TMEM123: variants seen among roughly 807,000 people sequenced by gnomAD.
The protein encoded by TMEM123 is transmembrane protein 123.
TMEM123 carries 16 observed loss-of-function variants against 19.7 expected under a neutral mutation model. The ratio of observed to expected loss-of-function variants is 0.81; its 90% confidence interval spans 0.55 to 1.23. The LOEUF (loss-of-function observed/expected upper bound fraction) is 1.23. Ranked by LOEUF, TMEM123 falls within the 50% of genes most tolerant of loss-of-function variation. The pLI, the probability that TMEM123 is intolerant of heterozygous loss-of-function variation, is 0.00. For missense variants in TMEM123, 313 were observed against 257.8 expected, an observed-to-expected ratio of 1.21 and a Z score of -1.47; for synonymous variants, 118 against 99.4, an observed-to-expected ratio of 1.19 and a Z score of -1.12.
chr11:102,439,089 G>A (rs1857796706), intron 2 of TMEM123, among the ~76,000 whole-genome samples: 1 of 152,206 alleles, frequency 6.6e-6, no homozygotes, highest in Non-Finnish European at 1.5e-5. Context: ...AAGTGGCCGG[G>A]AAGCTCGAAC....
intron 2 of TMEM123, among the ~76,000 whole-genome samples, chr11:102,444,590 A>G (rs995930542): frequency 2.0e-5 from 3 of 152,036 alleles, no homozygotes; most frequent in African/African-American, 7.3e-5. Context: ...TCTAATGTAA[A>G]TGACGAGTTG....
At chr11:102,426,872 C>CCCCG (rs987739502) in intron 2 of TMEM123, among the ~76,000 whole-genome samples, 1 of 98,912 alleles carries the variant, frequency 1.0e-5, no homozygotes, top group African/African-American at 3.8e-5. Flanking sequence ...CCCCCCCCCC[C>CCCCG]CATTTATTGC....
At chr11:102,437,674 G>GTGTATGAGA (rs1194377148) in intron 2 of TMEM123, among the ~76,000 whole-genome samples, 9 of 152,170 alleles carry the variant, frequency 5.9e-5, no homozygotes, top group East Asian at 1.9e-4. Context: ...AGAGTACAGG[G>GTGTATGAGA]TGTATGAGAG....
chr11:102,411,337 A>G (rs931502179), intron 2 of TMEM123, among the ~76,000 whole-genome samples: 6 of 152,132 alleles, frequency 3.9e-5, no homozygotes, highest in African/African-American at 1.4e-4. Context: ...TCTGCGCACC[A>G]TTCCTCCACA....
intron 2 of TMEM123, among the ~76,000 whole-genome samples, chr11:102,438,620 G>A (rs554651061): frequency 5.3e-5 from 8 of 152,272 alleles, no homozygotes; most frequent in African/African-American, 1.9e-4. Flanking sequence ...TACCAGCAAC[G>A]GGTTCCAAGA....
In TMEM123 at chr11:102,397,859, C is replaced by T. The variant is rs181806920; in HGVS notation, c.*1008G>A. The T allele has an allele frequency of 1.3e-5, 2 of 152,264 alleles. No individual in the cohort carries two copies. Among genetic ancestry groups the T allele is most frequent in the East Asian group, 1.9e-4 (1 of 5,188 alleles). The allele number at this position is 152,264 out of a possible 1,614,324, so 9.4% of individuals were successfully genotyped here. A position where few individuals can be genotyped will look rare whatever the true frequency, so the allele number is the denominator to read the frequency against. On this transcript the variant is annotated 3_prime_UTR_variant, in exon 5 of 5. Coordinates refer to ENST00000398136, the MANE Select transcript of TMEM123 (RefSeq NM_052932.3). The stretch of plus-strand genomic sequence containing the variant: ...ACAGCATTACGCTATAGTTTTGACT[C>T]TATAGAATTCTAAATGTTCTTTTGA...
intron 2 of TMEM123, among the ~76,000 whole-genome samples, chr11:102,421,541 G>A (rs570323391): frequency 1.3e-5 from 2 of 151,912 alleles, no homozygotes; most frequent in African/African-American, 2.4e-5. Context: ...CTGTCTGCTC[G>A]AATGTCAGCA....
chr11:102,428,639 GT>G (rs1488485618), intron 2 of TMEM123, among the ~76,000 whole-genome samples: 1 of 151,858 alleles, frequency 6.6e-6, no homozygotes, highest in South Asian at 2.1e-4. Flanking sequence ...TTAAAGAAGT[GT>G]TTTTTCCCCT....
At chr11:102,430,237 C>A (rs1857681886) in intron 2 of TMEM123, among the ~76,000 whole-genome samples, 1 of 152,230 alleles carries the variant, frequency 6.6e-6, no homozygotes, top group Non-Finnish European at 1.5e-5. Flanking sequence ...ACAACTAAGG[C>A]TGGTATAGCA....
At chr11:102,405,918 T>C (rs1951952301) in intron 2 of TMEM123, among the ~76,000 whole-genome samples, 1 of 152,260 alleles carries the variant, frequency 6.6e-6, no homozygotes, top group Admixed American at 6.5e-5. Flanking sequence ...CTGATGCTTT[T>C]AAGCATAAAT....
At chr11:102,424,665 G>A (rs1952111627) in intron 2 of TMEM123, among the ~76,000 whole-genome samples, 2 of 152,084 alleles carry the variant, frequency 1.3e-5, no homozygotes, top group African/African-American at 4.8e-5. Flanking sequence ...CTCCAGCCTG[G>A]GTGACAGAGC....
At chr11:102,437,537 G>T (rs889947299) in intron 2 of TMEM123, among the ~76,000 whole-genome samples, 2 of 151,792 alleles carry the variant, frequency 1.3e-5, no homozygotes, top group African/African-American at 4.8e-5. Context: ...ATAAAGAATA[G>T]CAGTAGTCCT....
chr11:102,399,582 CTG>C lies in TMEM123; in HGVS notation c.603-693_603-692del, dbSNP rs1224696135. Reference sequence around the variant, plus strand: ...TCAGTTTGAGCCTACAGCCATGCCACTGTGAATGTGTCTGATCTCATGTGATC... The same window carrying C: ...TCAGTTTGAGCCTACAGCCATGCCACTGAATGTGTCTGATCTCATGTGATC... On this transcript the variant is annotated intron_variant, in intron 4 of 4. Coordinates refer to ENST00000398136, the MANE Select transcript of TMEM123 (RefSeq NM_052932.3). Among the ~76,000 whole-genome samples, 12 of 152,340 alleles carry C rather than the reference CTG, an allele frequency of 7.9e-5. No individual in the cohort carries two copies. In the East Asian group the frequency reaches 2.3e-3, roughly 29 times the overall value.
chr11:102,451,139 C>T (rs1857934783), intron 1 of TMEM123: 1 of 152,072 alleles, frequency 6.6e-6, no homozygotes, highest in Non-Finnish European at 1.5e-5. Flanking sequence ...ACAAACAGTG[C>T]TAAAATAGGG....
chr11:102,452,269 C>G (rs1192073027), intron 1 of TMEM123: 1 of 377,932 alleles, frequency 2.6e-6, no homozygotes, highest in Non-Finnish European at 4.7e-6. Flanking sequence ...CGCACCCGTC[C>G]CGGCCTGCGA....
rs1157726040 is a variant in TMEM123 at position 102,450,548 on chromosome 11, CAAT to C, written c.101-1683_101-1681del. On this transcript the variant is annotated intron_variant, in intron 1 of 4. Coordinates refer to ENST00000398136, the MANE Select transcript of TMEM123 (RefSeq NM_052932.3). ...GAAGAATATTTTAAAAGCAGAATTT[CAAT>C]AATGTTTTTATCTTCTCCCACAATA... 6.6e-5 allele frequency among the ~76,000 whole-genome samples: 10 copies of C among 152,284 alleles called. No homozygotes were observed. The East Asian group carries it at 7.7e-4, about 12-fold the overall frequency.
chr11:102,401,411 A>T (rs1466661724), intron 4 of TMEM123, 128 bp downstream of exon 4: 2 of 826,032 alleles, frequency 2.4e-6, no homozygotes, highest in Non-Finnish European at 3.4e-6. Context: ...CAAAAGGGTT[A>T]ATGGGAATAT....
chr11:102,429,922 G>T (rs17097758), intron 2 of TMEM123, among the ~76,000 whole-genome samples: 3,207 of 152,288 alleles, frequency 0.021, 121 homozygotes, highest in African/African-American at 0.072. Context: ...AACAACCCGA[G>T]CATCTCCAGA....
At chr11:102,416,826 T>A (rs1008559338) in intron 2 of TMEM123, among the ~76,000 whole-genome samples, 2 of 152,170 alleles carry the variant, frequency 1.3e-5, no homozygotes, top group Admixed American at 6.5e-5. Context: ...ATTCTTGGGA[T>A]GCAAGGTTGG....
Sources: gnomAD v4.1 joint callset for allele counts (sites outside exome capture counted in the v4.1 genomes callset) on GRCh38, gnomAD v4.1.1 for gene constraint, MANE v1.5 for transcripts, NCBI Gene and HGNC (gene_info 2026-07-23, HGNC 2026-07-21) for gene names.